Variants in GATAD2B observed in about 807,000 individuals in gnomAD.
The protein encoded by GATAD2B is transcriptional repressor p66-beta.
GATAD2B carries 8 observed loss-of-function variants against 64.3 expected under a neutral mutation model. The ratio of observed to expected loss-of-function variants is 0.12; its 90% CI spans 0.07 to 0.22. GATAD2B has a LOEUF of 0.22. GATAD2B is among the 10% of genes least tolerant of loss of function. GATAD2B has a pLI of 1.00. For missense variants in GATAD2B, 453 were observed against 752.0 expected, an observed-to-expected ratio of 0.60 and a Z score of 4.65; for synonymous variants, 281 against 271.3, an observed-to-expected ratio of 1.04 and a Z score of -0.35.
intron 1 of GATAD2B, among the ~76,000 whole-genome samples, chr1:153,831,966 G>A (rs1263327484): frequency 2.0e-5 from 3 of 152,242 alleles, no homozygotes; most frequent in African/African-American, 7.2e-5. Flanking sequence ...TGTAATCTCA[G>A]CACTTTGGGA....
chr1:153,916,277 GAA>G (rs200305010), intron 1 of GATAD2B, among the ~76,000 whole-genome samples: 35 of 92,576 alleles, frequency 3.8e-4, no homozygotes, highest in East Asian at 5.9e-4. Flanking sequence ...TCCACCTCAA[GAA>G]AAAAAAAAAA....
chr1:153,853,370 G>A (rs567970291), intron 1 of GATAD2B: 8 of 688,024 alleles, frequency 1.2e-5, no homozygotes, highest in South Asian at 3.2e-5. Flanking sequence ...TTGACCACCC[G>A]AGTCATCACA....
chr1:153,900,876 C>T (rs1045705353), intron 1 of GATAD2B, among the ~76,000 whole-genome samples: 5 of 152,114 alleles, frequency 3.3e-5, no homozygotes, highest in African/African-American at 1.2e-4. Flanking sequence ...GTAATTTTCA[C>T]ATGTCACAAA....
chr1:153,878,167 T>C (rs1015842998), intron 1 of GATAD2B, among the ~76,000 whole-genome samples: 8 of 152,058 alleles, frequency 5.3e-5, no homozygotes, highest in Non-Finnish European at 1.2e-4. Context: ...GCAATCTTTT[T>C]TTTTTTTTCT....
chr1:153,888,411 CTTA>C (rs898163026), intron 1 of GATAD2B, among the ~76,000 whole-genome samples: 7 of 152,302 alleles, frequency 4.6e-5, no homozygotes, highest in African/African-American at 1.7e-4. Context: ...AAATCCCTAA[CTTA>C]TTCTCATCCT....
In GATAD2B at chr1:153,905,768, C is replaced by A. The variant is rs1390286103; in HGVS notation, c.-2+16965G>T. Reference sequence around the variant, plus strand: ...GGCAACATAGCAAGAACCAGTCTCTCAAACAAAAAAAAAAAAAGCCGGGTG... The same window carrying A: ...GGCAACATAGCAAGAACCAGTCTCTAAAACAAAAAAAAAAAAAGCCGGGTG... On this transcript the variant is annotated intron_variant, in intron 1 of 10. Coordinates refer to ENST00000368655, the MANE Select transcript of GATAD2B (RefSeq NM_020699.4). Among the ~76,000 whole-genome samples the A allele has an allele frequency of 9.5e-4, 110 of 116,016 alleles. 2 individuals are homozygous for A. Among genetic ancestry groups the A allele is most frequent in the East Asian group, 1.2e-3 (4 of 3,358 alleles). 76.1% of individuals were successfully genotyped at this position (116,016 alleles called of 152,430 possible).
chr1:153,885,672 C>T (rs1473709231), intron 1 of GATAD2B, among the ~76,000 whole-genome samples: 1 of 151,942 alleles, frequency 6.6e-6, no homozygotes, highest in African/African-American at 2.4e-5. Flanking sequence ...ACCATCCTGG[C>T]TAACATGGTG....
chr1:153,830,538 G>C lies in GATAD2B; in HGVS notation c.-1-2190C>G, dbSNP rs1358514978. On this transcript the variant is annotated intron_variant, in intron 1 of 10. Coordinates refer to ENST00000368655, the MANE Select transcript of GATAD2B (RefSeq NM_020699.4). The stretch of plus-strand genomic sequence containing the variant: ...TCGCCCAGGCTGGAGTGCAGTGGCG[G>C]GATCTCGGCTCACTGCAAGCTCCGC... 9.8e-5 allele frequency among the ~76,000 whole-genome samples: 14 copies of C among 142,372 alleles called. 1 individual carries two copies. Among genetic ancestry groups the C allele is most frequent in the South Asian group, 6.7e-4 (3 of 4,486 alleles). The allele number at this position is 142,372 out of a possible 152,430, so 93.4% of individuals were successfully genotyped here. A position where few individuals can be genotyped will look rare whatever the true frequency, so the allele number is the denominator to read the frequency against.
chr1:153,876,318 G>A (rs1676834027), intron 1 of GATAD2B, among the ~76,000 whole-genome samples: 1 of 146,410 alleles, frequency 6.8e-6, no homozygotes, highest in Non-Finnish European at 1.5e-5. Context: ...TCTTACCTGA[G>A]TCAATGTCCT....
chr1:153,819,163 G>A (rs1346656035), intron 3 of GATAD2B, among the ~76,000 whole-genome samples: 2 of 152,104 alleles, frequency 1.3e-5, no homozygotes, highest in African/African-American at 4.8e-5. Flanking sequence ...CCAGATTCCT[G>A]GCAAAAAGAA....
chr1:153,858,904 A>G (rs189455964), intron 1 of GATAD2B, among the ~76,000 whole-genome samples: 1 of 152,280 alleles, frequency 6.6e-6, no homozygotes, highest in African/African-American at 2.4e-5. Flanking sequence ...GTCAGAAAAA[A>G]TAACATTTGA....
At chr1:153,820,974 ATTTTTTTTTTTTT>A (rs869096882) in intron 2 of GATAD2B, among the ~76,000 whole-genome samples, 2 of 50,840 alleles carry the variant, frequency 3.9e-5, no homozygotes, top group African/African-American at 8.7e-5. Flanking sequence ...GGCACATGGA[ATTTTTTTTTTTTT>A]TTTTTTTTTT....
At chr1:153,915,551 G>C (rs369641391) in intron 1 of GATAD2B, among the ~76,000 whole-genome samples, 13 of 151,996 alleles carry the variant, frequency 8.6e-5, no homozygotes, top group East Asian at 3.8e-4. Context: ...AGATTCAGAA[G>C]CTACCTGTAA....
intron 1 of GATAD2B, among the ~76,000 whole-genome samples, chr1:153,840,532 T>TC (rs1429149021): frequency 6.6e-6 from 1 of 151,448 alleles, no homozygotes; most frequent in East Asian, 1.9e-4. Flanking sequence ...AGACAGGGTT[T>TC]CTCTGTGTTG....
chr1:153,874,225 G>A lies in GATAD2B; in HGVS notation c.-1-45877C>T, dbSNP rs150448871. On this transcript the variant is annotated intron_variant, in intron 1 of 10. Transcript: ENST00000368655. ...TGCAATGAGCTGAGATAGTGCCACT[G>A]CACTCCAGCCTGGGAGACAGAGCAA... Among the ~76,000 whole-genome samples, 300 of 151,622 alleles carry A rather than the reference G, an allele frequency of 2.0e-3. 2 individuals carry two copies. Among genetic ancestry groups the A allele is most frequent in the African/African-American group, 6.9e-3 (284 of 41,312 alleles).
chr1:153,830,918 C>T (rs924587771), intron 1 of GATAD2B, among the ~76,000 whole-genome samples: 1 of 152,102 alleles, frequency 6.6e-6, no homozygotes, highest in Non-Finnish European at 1.5e-5. Context: ...GCTAGAGACG[C>T]GTGCCACCAC....
chr1:153,868,230 T>C (rs1676544412), intron 1 of GATAD2B, among the ~76,000 whole-genome samples: 1 of 151,846 alleles, frequency 6.6e-6, no homozygotes, highest in Admixed American at 6.6e-5. Context: ...TAAAAGAAAA[T>C]AAAAATTTTA....
intron 1 of GATAD2B, among the ~76,000 whole-genome samples, chr1:153,838,907 C>T (rs759682187): frequency 1.3e-5 from 2 of 151,784 alleles, no homozygotes; most frequent in Non-Finnish European, 2.9e-5. Context: ...GCTGGGAGTT[C>T]GAGATCAGCC....
In GATAD2B at chr1:153,818,314, C is replaced by CTTT. The variant is rs35175263; in HGVS notation, c.598-146_598-144dup. 103 of 320,294 alleles carry CTTT rather than the reference C, an allele frequency of 3.2e-4. 1 individual carries two copies. The highest frequency in any genetic ancestry group is 2.1e-3 in the Admixed American group (36 of 16,966). The allele number at this position is 320,294 out of a possible 1,614,324, so 19.8% of individuals were successfully genotyped here. Reference sequence around the variant, plus strand: ...ACCAGAAAAAGGGAGTCAAGGTTTTCTTTTTTTTTTTTTTTTTTGAGACAG... The same window carrying CTTT: ...ACCAGAAAAAGGGAGTCAAGGTTTTCTTTTTTTTTTTTTTTTTTTTTGAGACAG... On this transcript the variant is annotated intron_variant, in intron 4 of 10. Coordinates refer to ENST00000368655, the MANE Select transcript of GATAD2B (RefSeq NM_020699.4).
Sources: allele counts gnomAD v4.1 joint callset (sites outside exome capture counted in the v4.1 genomes callset), GRCh38; gene constraint gnomAD v4.1.1; transcripts MANE v1.5; gene names NCBI Gene and HGNC (gene_info 2026-07-23, HGNC 2026-07-21).